Variants in ARHGAP20 observed in about 807,000 individuals in gnomAD.
The protein encoded by ARHGAP20 is rho GTPase-activating protein 20.
ARHGAP20 carries 34 observed loss-of-function variants against 73.7 expected under a neutral mutation model. That is an observed-to-expected ratio of 0.46 (90% CI 0.35 to 0.61). The LOEUF (loss-of-function observed/expected upper bound fraction) is 0.61, where lower values mean the gene tolerates loss of function less well. ARHGAP20 is among the 20% of genes least tolerant of loss of function. The pLI is 0.00. For synonymous variants in ARHGAP20, 523 were observed against 518.2 expected (o/e 1.01, Z -0.13); for missense variants, 1,314 against 1,420.9 (o/e 0.92, Z 1.21).
At position 110,582,458 on chromosome 11, in the gene ARHGAP20, A is replaced by G. The variant is rs763487652; in HGVS notation, c.1606-23T>C. ...AACCTGTAAGAAAAAGGACAAACGA[A>G]GTATTACTTTTCATATTACATGTTT... On this transcript the variant is annotated intron_variant, in intron 13 of 14. Transcript: ENST00000683387. 16 of 1,436,776 alleles carry G rather than the reference A, an allele frequency of 1.1e-5. No homozygotes were observed. In the African/African-American group the frequency reaches 1.8e-4, roughly 16 times the overall value. 89.0% of individuals were successfully genotyped at this position (1,436,776 alleles called of 1,614,324 possible). A position where few individuals can be genotyped will look rare whatever the true frequency, so the allele number is the denominator to read the frequency against.
intron 2 of ARHGAP20, among the ~76,000 whole-genome samples, chr11:110,631,132 C>T (rs192438222): frequency 1.9e-4 from 29 of 152,188 alleles, no homozygotes; most frequent in African/African-American, 6.7e-4. Context: ...AGTACACATC[C>T]CCCTGAATGC....
chr11:110,651,429 T>C (rs539533403), intron 2 of ARHGAP20, among the ~76,000 whole-genome samples: 110 of 150,776 alleles, frequency 7.3e-4, no homozygotes, highest in African/African-American at 2.5e-3. Context: ...CAACAACAAA[T>C]CCAGGAGCTG....
rs1193838293 is a variant in ARHGAP20, at chr11:110,579,268, T to C, written c.*102A>G. On this transcript the variant is annotated 3_prime_UTR_variant, in exon 15 of 15. Coordinates refer to ENST00000683387, the MANE Select transcript of ARHGAP20 (RefSeq NM_001384657.1). Reference sequence around the variant, plus strand: ...TAAGTATTAGCAATGATAATCCTTATGCTACCTCTCCCAGGTATCTTATAC... The same window carrying C: ...TAAGTATTAGCAATGATAATCCTTACGCTACCTCTCCCAGGTATCTTATAC... 24 of 1,456,164 alleles carry C rather than the reference T, an allele frequency of 1.6e-5. No individual in the cohort carries two copies. Among genetic ancestry groups the C allele is most frequent in the Admixed American group, 2.3e-5 (1 of 42,762 alleles). The allele number at this position is 1,456,164 out of a possible 1,614,324, so 90.2% of individuals were successfully genotyped here. A position where few individuals can be genotyped will look rare whatever the true frequency, so the allele number is the denominator to read the frequency against.
upstream of ARHGAP20, chr11:110,713,064 T>G (rs1950706293): frequency 1.3e-5 from 2 of 152,414 alleles, no homozygotes; most frequent in Admixed American, 1.3e-4. Flanking sequence ...CCTGCACATT[T>G]GCACCCGCGG....
intron 9 of ARHGAP20, among the ~76,000 whole-genome samples, chr11:110,601,577 G>A (rs1341689223): frequency 6.6e-6 from 1 of 152,070 alleles, no homozygotes; most frequent in East Asian, 1.9e-4. Context: ...GACTAAATCT[G>A]GCTTGCCACC....
At position 110,615,040 on chromosome 11, in the gene ARHGAP20, T is replaced by G. The variant is rs548233942; in HGVS notation, c.546-395A>C. On this transcript the variant is annotated intron_variant, in intron 5 of 14. Coordinates refer to ENST00000683387, the MANE Select transcript of ARHGAP20 (RefSeq NM_001384657.1). ...TTGTACTTCTCATTTAACTCCCCAG[T>G]AGGGTGTAAATCTTGGTTATCCTAT... Among the ~76,000 whole-genome samples, 12 of 152,200 alleles carry G rather than the reference T, an allele frequency of 7.9e-5. No individual in the cohort carries two copies. In the South Asian group the frequency reaches 1.7e-3, roughly 21 times the overall value.
At chr11:110,662,283 T>G (rs1949631622) in intron 2 of ARHGAP20, among the ~76,000 whole-genome samples, 1 of 151,884 alleles carries the variant, frequency 6.6e-6, no homozygotes, top group Non-Finnish European at 1.5e-5. Flanking sequence ...TAGATTCAAC[T>G]TGAACTATGT....
At chr11:110,620,529 A>G (rs951628688) in intron 4 of ARHGAP20, among the ~76,000 whole-genome samples, 5 of 152,126 alleles carry the variant, frequency 3.3e-5, no homozygotes, top group African/African-American at 1.2e-4. Flanking sequence ...GGAATTTTAA[A>G]TGGATGATGA....
chr11:110,590,899 G>T, intron 10 of ARHGAP20, 90 bp from the exon 11 acceptor site: 1 of 1,284,198 alleles, frequency 7.8e-7, no homozygotes, highest in Non-Finnish European at 1.1e-6. Flanking sequence ...CAGAGGCTAG[G>T]GTGCGCTAGG....
At position 110,586,226 on chromosome 11, in the gene ARHGAP20, T is replaced by TA; in HGVS notation, c.1404dup (p.Thr469TyrfsTer28). On this transcript the variant is annotated frameshift_variant, in exon 12 of 15. Coordinates refer to ENST00000683387, the MANE Select transcript of ARHGAP20 (RefSeq NM_001384657.1). LOFTEE classifies it high-confidence loss of function. ...AATTAGAATAATTACCTTTGAACAG[T>TA]ATTTATTTTCTCTTCATCATTTCCT... 1 of 1,517,700 alleles carries TA rather than the reference T, an allele frequency of 6.6e-7. No homozygotes were observed. The highest frequency in any genetic ancestry group is 8.9e-7 in the Non-Finnish European group (1 of 1,125,402). The allele number at this position is 1,517,700 out of a possible 1,614,324, so 94.0% of individuals were successfully genotyped here. A position where few individuals can be genotyped will look rare whatever the true frequency, so the allele number is the denominator to read the frequency against.
At chr11:110,587,083 T>C (rs950245298) in intron 11 of ARHGAP20, among the ~76,000 whole-genome samples, 2 of 152,166 alleles carry the variant, frequency 1.3e-5, no homozygotes, top group African/African-American at 4.8e-5. Flanking sequence ...GGCTGAACTA[T>C]GACACAAACA....
intron 2 of ARHGAP20, among the ~76,000 whole-genome samples, chr11:110,663,087 C>T (rs187776526): frequency 1.1e-4 from 17 of 151,736 alleles, no homozygotes; most frequent in African/African-American, 3.6e-4. Flanking sequence ...GTATTCAATG[C>T]CTAAATTAGA....
At chr11:110,594,091 A>AC (rs1396266563) in intron 9 of ARHGAP20, among the ~76,000 whole-genome samples, 4 of 152,238 alleles carry the variant, frequency 2.6e-5, no homozygotes, top group African/African-American at 9.6e-5. Context: ...ATTGTTGGCT[A>AC]CCTTAGCATT....
At chr11:110,689,970 A>G (rs999410630) in intron 2 of ARHGAP20, among the ~76,000 whole-genome samples, 72 of 152,140 alleles carry the variant, frequency 4.7e-4, no homozygotes, top group Non-Finnish European at 7.8e-4. Flanking sequence ...GCAAAAAAAA[A>G]AAAAATGTCT....
At chr11:110,588,156 A>G (rs1947721152) in intron 11 of ARHGAP20, among the ~76,000 whole-genome samples, 1 of 152,210 alleles carries the variant, frequency 6.6e-6, no homozygotes, top group South Asian at 2.1e-4. Context: ...ACAAGTTACG[A>G]AATACCACCA....
intron 2 of ARHGAP20, among the ~76,000 whole-genome samples, chr11:110,668,118 G>A (rs1020351627): frequency 1.3e-5 from 2 of 152,302 alleles, no homozygotes; most frequent in South Asian, 2.1e-4. Context: ...CTATCAAACA[G>A]TATTGCATGC....
At chr11:110,632,323 T>C (rs936542046) in intron 2 of ARHGAP20, among the ~76,000 whole-genome samples, 2 of 152,224 alleles carry the variant, frequency 1.3e-5, no homozygotes, top group African/African-American at 4.8e-5. Context: ...TTCCAGTTGC[T>C]CCACGACCTT....
rs1591287097 is a variant in ARHGAP20, at chr11:110,578,774, C to T, written c.*596G>A. 4 of 985,568 alleles carry T rather than the reference C, an allele frequency of 4.1e-6. No homozygotes were observed. Among genetic ancestry groups the T allele is most frequent in the Non-Finnish European group, 4.8e-6 (4 of 829,930 alleles). The allele number at this position is 985,568 out of a possible 1,614,324, so 61.1% of individuals were successfully genotyped here. Reference sequence around the variant, plus strand: ...TTGAGTCACTCTGTTTTTCTCCACTCTAGCTGTAGCAATGGGCTGGTTCTT... The same window carrying T: ...TTGAGTCACTCTGTTTTTCTCCACTTTAGCTGTAGCAATGGGCTGGTTCTT... On this transcript the variant is annotated 3_prime_UTR_variant, in exon 15 of 15. Transcript: ENST00000683387.
chr11:110,649,662 C>T (rs1327856159), intron 2 of ARHGAP20, among the ~76,000 whole-genome samples: 1 of 151,858 alleles, frequency 6.6e-6, no homozygotes, highest in Non-Finnish European at 1.5e-5. Flanking sequence ...CAGAGAGTTA[C>T]ATTTTAGACA....
Sources: gnomAD v4.1 joint callset for allele counts (sites outside exome capture counted in the v4.1 genomes callset) on GRCh38, gnomAD v4.1.1 for gene constraint, MANE v1.5 for transcripts, NCBI Gene and HGNC (gene_info 2026-07-23, HGNC 2026-07-21) for gene names.